The following GNB4 variants were observed in gnomAD, a reference collection of about 807,000 sequenced individuals.
GNB4 encodes G protein subunit beta 4, also known as guanine nucleotide-binding protein subunit beta-4.
A neutral mutation model predicts 45.2 loss-of-function variants in GNB4; 28 were observed. That is an observed-to-expected ratio of 0.62 (90% CI 0.46 to 0.85). The LOEUF (loss-of-function observed/expected upper bound fraction) is 0.85, where lower values mean the gene tolerates loss of function less well. Among genes scored for constraint, GNB4 ranks in the 40% least tolerant of loss-of-function variants. The pLI is 0.00. For synonymous variants in GNB4, 132 were observed against 143.7 expected, an observed-to-expected ratio of 0.92 and a Z score of 0.58; for missense variants, 321 against 425.4, an observed-to-expected ratio of 0.75 and a Z score of 2.16.
At chr3:179,483,380 T>C in the GNB4 span, among the ~76,000 whole-genome samples, 1 of 151,974 alleles carries the variant, frequency 6.6e-6, no homozygotes, top group Admixed American at 6.6e-5. Flanking sequence ...TATCACTCAG[T>C]TTATATTATA....
intron 1 of GNB4, among the ~76,000 whole-genome samples, chr3:179,429,543 T>C (rs901716202): frequency 6.6e-6 from 1 of 151,988 alleles, no homozygotes; most frequent in African/African-American, 2.4e-5. Flanking sequence ...AAATAGTGAG[T>C]TTGTGGCTCA....
the GNB4 span, among the ~76,000 whole-genome samples, chr3:179,502,064 G>C: frequency 6.6e-6 from 1 of 151,952 alleles, no homozygotes; most frequent in Non-Finnish European, 1.5e-5. Context: ...ATGATCTTAA[G>C]CCTAAGTTAA....
chr3:179,480,973 C>A, the GNB4 span, among the ~76,000 whole-genome samples: 1 of 151,436 alleles, frequency 6.6e-6, no homozygotes, highest in East Asian at 1.9e-4. Context: ...GCCTCAGCCT[C>A]CCCAGTAGCT....
chr3:179,469,578 T>C, the GNB4 span, among the ~76,000 whole-genome samples: 1 of 152,200 alleles, frequency 6.6e-6, no homozygotes, highest in Non-Finnish European at 1.5e-5. Flanking sequence ...CTAAGTTCAG[T>C]ATACAAATGT....
chr3:179,463,239 C>G, the GNB4 span, among the ~76,000 whole-genome samples: 1 of 152,128 alleles, frequency 6.6e-6, no homozygotes, highest in East Asian at 1.9e-4. Context: ...CTGCCCCTCC[C>G]CTACTACGTC....
intron 2 of GNB4, among the ~76,000 whole-genome samples, chr3:179,422,024 T>C (rs1047676934): frequency 6.6e-6 from 1 of 152,166 alleles, no homozygotes; most frequent in Non-Finnish European, 1.5e-5. Context: ...GTTTAGACTA[T>C]CTTTTTTAAT....
the GNB4 span, among the ~76,000 whole-genome samples, chr3:179,505,164 C>T: frequency 6.6e-6 from 1 of 152,098 alleles, no homozygotes; most frequent in African/African-American, 2.4e-5. Context: ...AGGCCTATAC[C>T]AATACGGCAT....
intron 8 of GNB4, among the ~76,000 whole-genome samples, chr3:179,406,365 G>C (rs955485397): frequency 6.6e-6 from 1 of 152,128 alleles, no homozygotes; most frequent in Non-Finnish European, 1.5e-5. Flanking sequence ...TGTATTATAT[G>C]TAGTGTATTT....
chr3:179,460,238 T>C, the GNB4 span, among the ~76,000 whole-genome samples: 1 of 152,164 alleles, frequency 6.6e-6, no homozygotes, highest in Non-Finnish European at 1.5e-5. Context: ...TGTTAGGGAG[T>C]TTGTATTTTC....
In GNB4 at chr3:179,401,103, T is replaced by A; in HGVS notation, c.*110A>T. On this transcript the variant is annotated 3_prime_UTR_variant, in exon 10 of 10. Coordinates refer to ENST00000232564, the MANE Select transcript of GNB4 (RefSeq NM_021629.4). ...TGAAAGCTTGTTTTTGTAGATAATC[T>A]AATAGAAAAATCTTCACCTGCAAAT... 1.6e-6 allele frequency: 1 copy of A among 626,416 alleles called. No individual in the cohort carries two copies. Among genetic ancestry groups the A allele is most frequent in the Non-Finnish European group, 2.5e-6 (1 of 407,694 alleles). The allele number at this position is 626,416 out of a possible 1,614,324, so 38.8% of individuals were successfully genotyped here. A position where few individuals can be genotyped will look rare whatever the true frequency, so the allele number is the denominator to read the frequency against.
the GNB4 span, among the ~76,000 whole-genome samples, chr3:179,522,835 A>T: frequency 6.6e-6 from 1 of 152,186 alleles, no homozygotes; most frequent in Non-Finnish European, 1.5e-5. Flanking sequence ...AGTAAGGGCA[A>T]GTTGTTTGGA....
the GNB4 span, among the ~76,000 whole-genome samples, chr3:179,484,466 C>A: frequency 6.6e-6 from 1 of 152,148 alleles, no homozygotes; most frequent in Non-Finnish European, 1.5e-5. Flanking sequence ...AGGCCATGCG[C>A]ACAGCAGTGA....
chr3:179,465,744 A>G, the GNB4 span, among the ~76,000 whole-genome samples: 1 of 151,454 alleles, frequency 6.6e-6, no homozygotes, highest in Non-Finnish European at 1.5e-5. Context: ...ATCAATGTAG[A>G]TATTCCTATA....
At chr3:179,523,290 C>A in the GNB4 span, among the ~76,000 whole-genome samples, 1 of 151,964 alleles carries the variant, frequency 6.6e-6, no homozygotes, top group Non-Finnish European at 1.5e-5. Context: ...TGAAGCCTTG[C>A]GGCAGTACAG....
the GNB4 span, among the ~76,000 whole-genome samples, chr3:179,471,071 C>T: frequency 1.3e-5 from 2 of 151,324 alleles, no homozygotes; most frequent in African/African-American, 2.4e-5. Flanking sequence ...CCCAGCTACT[C>T]GGCAGGCTGA....
At chr3:179,479,236 C>T in the GNB4 span, among the ~76,000 whole-genome samples, 2 of 152,158 alleles carry the variant, frequency 1.3e-5, no homozygotes, top group East Asian at 1.9e-4. Context: ...AGGATATTGT[C>T]GAATATACAA....
In GNB4 at chr3:179,416,537, G is replaced by A; in HGVS notation, c.223C>T (p.Gln75Ter). 6.3e-7 allele frequency: 1 copy of A among 1,596,446 alleles called. No individual in the cohort carries two copies. The change falls in exon 5 of 10, where the codon CAA becomes TAA. Residue 75 changes from glutamine to a stop codon, truncating the protein, a stop_gained. Coordinates refer to ENST00000232564, the MANE Select transcript of GNB4 (RefSeq NM_021629.4). LOFTEE classifies it high-confidence loss of function. Reference protein sequence around the residue: ...YDSRLLVSASQDGKLIIWDSY... With the variant: ...YDSRLLVSAS ...TCCCAAATAATTAATTTTCCATCTT[G>A]AGAAGCACTGACTAGCAGCCTAGAG...
chr3:179,512,157 G>C, the GNB4 span, among the ~76,000 whole-genome samples: 6 of 151,996 alleles, frequency 3.9e-5, no homozygotes, highest in African/African-American at 1.2e-4. Context: ...TCTTTATTTT[G>C]GCCAGACCTC....
the GNB4 span, among the ~76,000 whole-genome samples, chr3:179,465,793 T>TA: frequency 1.3e-5 from 1 of 76,356 alleles, no homozygotes; most frequent in Admixed American, 1.2e-4. Context: ...AATAGATAAT[T>TA]TTTTTCTTCT....
Sources: gnomAD v4.1 joint callset for allele counts (sites outside exome capture counted in the v4.1 genomes callset) on GRCh38, gnomAD v4.1.1 for gene constraint, MANE v1.5 for transcripts, NCBI Gene and HGNC (gene_info 2026-07-23, HGNC 2026-07-21) for gene names.